The following DEXI variants were observed in gnomAD, a reference collection of about 807,000 sequenced individuals.
DEXI encodes dexamethasone-induced protein.
A neutral mutation model predicts 2.5 loss-of-function variants in DEXI; 2 were observed. The observed-to-expected ratio is 0.81, with a 90% CI of 0.33 to 2.55. The LOEUF is 2.55. DEXI is among the 30% of genes most tolerant of loss of function. The pLI, the probability that DEXI is intolerant of heterozygous loss-of-function variation, is 0.11. For synonymous variants in DEXI, 71 were observed against 68.7 expected, an observed-to-expected ratio of 1.03 and a Z score of -0.17; for missense variants, 108 against 130.3, an observed-to-expected ratio of 0.83 and a Z score of 0.83.
rs111882238 is a variant in DEXI, at chr16:10,933,207, G to C, written c.*150-3648C>G. 472 of 152,310 alleles carry C rather than the reference G, an allele frequency of 3.1e-3. 7 individuals are homozygous for C. The highest frequency in any genetic ancestry group is 0.011 in the African/African-American group (452 of 41,528). 9.4% of individuals were successfully genotyped at this position (152,310 alleles called of 1,614,324 possible). ...TCCCCAGAGCTGGACAGAGGACGTGGCTGGCTGGCTGGTTTCTGTAGTCAG... is the reference window on the plus strand; with the variant it reads ...TCCCCAGAGCTGGACAGAGGACGTGCCTGGCTGGCTGGTTTCTGTAGTCAG... On this transcript the variant is annotated intron_variant, in intron 1 of 1. Coordinates refer to ENST00000331808, the MANE Select transcript of DEXI (RefSeq NM_014015.4).
chr16:10,939,635 T>C lies in DEXI; in HGVS notation c.*149+1934A>G, dbSNP rs2041074332. On this transcript the variant is annotated intron_variant, in intron 1 of 1. Coordinates refer to ENST00000331808, the MANE Select transcript of DEXI (RefSeq NM_014015.4). The surrounding 1 kb of genome is among the most constrained non-coding windows in gnomAD (Gnocchi z 4.9). ...GCATCATCTCCTTAGAGAGGCTTTC[T>C]CTGACCCCTCAGCTAAAGCAGCCCA... The C allele has an allele frequency of 6.6e-6, 1 of 152,272 alleles. No individual in the cohort carries two copies. Among genetic ancestry groups the C allele is most frequent in the South Asian group, 2.1e-4 (1 of 4,832 alleles). 9.4% of individuals were successfully genotyped at this position (152,272 alleles called of 1,614,324 possible).
chr16:10,939,605 C>G lies in DEXI; in HGVS notation c.*149+1964G>C, dbSNP rs1185938545. ...CCTTCTATCAAATTAAGGCTCAGCT[C>G]AAAAGCATCATCTCCTTAGAGAGGC... is the stretch of plus-strand genomic sequence containing the variant. On this transcript the variant is annotated intron_variant, in intron 1 of 1. Transcript: ENST00000331808. This position sits in a 1 kb window ranked among gnomAD's most constrained non-coding sequence, Gnocchi z 4.9. 1.3e-5 allele frequency: 2 copies of G among 152,256 alleles called. No individual in the cohort carries two copies. Among genetic ancestry groups the G allele is most frequent in the African/African-American group, 4.8e-5 (2 of 41,450 alleles). 9.4% of individuals were successfully genotyped at this position (152,256 alleles called of 1,614,324 possible).
chr16:10,941,033 C>T lies in DEXI; in HGVS notation c.*149+536G>A, dbSNP rs746264383. On this transcript the variant is annotated intron_variant, in intron 1 of 1. Coordinates refer to ENST00000331808, the MANE Select transcript of DEXI (RefSeq NM_014015.4). The surrounding 1 kb of genome is among the most constrained non-coding windows in gnomAD (Gnocchi z 6.4). ...GCAAACCCAAGGCCAAAAGGAAGTA[C>T]GGGCTTCTTTGCTTGCGATTTCTCC... is the stretch of plus-strand genomic sequence containing the variant. 2 of 152,332 alleles carry T rather than the reference C, an allele frequency of 1.3e-5. No individual in the cohort carries two copies. The highest frequency in any genetic ancestry group is 2.4e-5 in the African/African-American group (1 of 41,460). The allele number at this position is 152,332 out of a possible 1,614,324, so 9.4% of individuals were successfully genotyped here.
Position 10,938,645 on chromosome 16 carries a change from C to G in DEXI, c.*149+2924G>C, listed in dbSNP as rs1567469101. ...TGCTGCTAGCTACCCCTCTCATACC[C>G]TGGGGTTCTGAGCTTCCTCGGCACT... On this transcript the variant is annotated intron_variant, in intron 1 of 1. Coordinates refer to ENST00000331808, the MANE Select transcript of DEXI (RefSeq NM_014015.4). This position sits in a 1 kb window ranked among gnomAD's most constrained non-coding sequence, Gnocchi z 4.9. The G allele has an allele frequency of 6.6e-6, 1 of 152,186 alleles. No homozygotes were observed. Among genetic ancestry groups the G allele is most frequent in the Non-Finnish European group, 1.5e-5 (1 of 68,056 alleles). The allele number at this position is 152,186 out of a possible 1,614,324, so 9.4% of individuals were successfully genotyped here.
Position 10,938,977 on chromosome 16 carries a change from C to A in DEXI, c.*149+2592G>T, listed in dbSNP as rs1480476252. On this transcript the variant is annotated intron_variant, in intron 1 of 1. Coordinates refer to ENST00000331808, the MANE Select transcript of DEXI (RefSeq NM_014015.4). The surrounding 1 kb of genome is among the most constrained non-coding windows in gnomAD (Gnocchi z 4.9). ...ATAAGACGTTCCTCACCAAGTTACACTGCTTCAAAGTCAAATGCTTGGCTT... is the reference window on the plus strand; with the variant it reads ...ATAAGACGTTCCTCACCAAGTTACAATGCTTCAAAGTCAAATGCTTGGCTT... 1 of 152,228 alleles carries A rather than the reference C, an allele frequency of 6.6e-6. No individual in the cohort carries two copies. Among genetic ancestry groups the A allele is most frequent in the Non-Finnish European group, 1.5e-5 (1 of 68,038 alleles). 9.4% of individuals were successfully genotyped at this position (152,228 alleles called of 1,614,324 possible). A position where few individuals can be genotyped will look rare whatever the true frequency, so the allele number is the denominator to read the frequency against.
At chr16:10,930,564 G>T (rs2040742074) in intron 1 of DEXI, 1 of 152,192 alleles carries the variant, frequency 6.6e-6, no homozygotes, top group Admixed American at 6.5e-5. Flanking sequence ...AGAAATTGAG[G>T]TTCAGAGAAG....
chr16:10,932,591 G>C (rs1158396140), intron 1 of DEXI: 1 of 151,296 alleles, frequency 6.6e-6, no homozygotes, highest in Non-Finnish European at 1.5e-5. Flanking sequence ...TGGAAGAACT[G>C]TCTGGGGCCA....
At position 10,940,739 on chromosome 16, in the gene DEXI, A is replaced by ATC. The variant is rs2041091186; in HGVS notation, c.*149+829_*149+830insGA. 1 of 152,284 alleles carries ATC rather than the reference A, an allele frequency of 6.6e-6. No homozygotes were observed. The highest frequency in any genetic ancestry group is 1.5e-5 in the Non-Finnish European group (1 of 68,182). 9.4% of individuals were successfully genotyped at this position (152,284 alleles called of 1,614,324 possible). A position where few individuals can be genotyped will look rare whatever the true frequency, so the allele number is the denominator to read the frequency against. Reference sequence around the variant, plus strand: ...CTTCATTTCCCTACCTCTCACATACACAGTGGGCTGGATGCTGGATGCAAA... The same window carrying ATC: ...CTTCATTTCCCTACCTCTCACATACATCCAGTGGGCTGGATGCTGGATGCAAA... On this transcript the variant is annotated intron_variant, in intron 1 of 1. Transcript: ENST00000331808. The surrounding 1 kb of genome is among the most constrained non-coding windows in gnomAD (Gnocchi z 4.2).
chr16:10,939,355 G>A lies in DEXI; in HGVS notation c.*149+2214C>T, dbSNP rs1385178052. Reference sequence around the variant, plus strand: ...AGAGTCATTTTTGCAAAATGGGAATGGGATTGTGTCATCTCCTGCCTAGAA... The same window carrying A: ...AGAGTCATTTTTGCAAAATGGGAATAGGATTGTGTCATCTCCTGCCTAGAA... On this transcript the variant is annotated intron_variant, in intron 1 of 1. Coordinates refer to ENST00000331808, the MANE Select transcript of DEXI (RefSeq NM_014015.4). This position sits in a 1 kb window ranked among gnomAD's most constrained non-coding sequence, Gnocchi z 4.9. The A allele has an allele frequency of 1.3e-5, 2 of 152,216 alleles. No individual in the cohort carries two copies. The highest frequency in any genetic ancestry group is 2.4e-5 in the African/African-American group (1 of 41,422). The allele number at this position is 152,216 out of a possible 1,614,324, so 9.4% of individuals were successfully genotyped here. A position where few individuals can be genotyped will look rare whatever the true frequency, so the allele number is the denominator to read the frequency against.
At position 10,938,669 on chromosome 16, in the gene DEXI, C is replaced by A. The variant is rs1596661127; in HGVS notation, c.*149+2900G>T. On this transcript the variant is annotated intron_variant, in intron 1 of 1. Transcript: ENST00000331808. The surrounding 1 kb of genome is among the most constrained non-coding windows in gnomAD (Gnocchi z 4.9). ...CCTGGGGTTCTGAGCTTCCTCGGCA[C>A]TTGGGGGCAAGGCCTCCTTGGCTTG... 6.6e-6 allele frequency: 1 copy of A among 152,312 alleles called. No individual in the cohort carries two copies. Among genetic ancestry groups the A allele is most frequent in the East Asian group, 1.9e-4 (1 of 5,186 alleles). The allele number at this position is 152,312 out of a possible 1,614,324, so 9.4% of individuals were successfully genotyped here.
rs1325943858 is a variant in DEXI at position 10,939,730 on chromosome 16, G to C, written c.*149+1839C>G. 1 of 152,210 alleles carries C rather than the reference G, an allele frequency of 6.6e-6. No individual in the cohort carries two copies. The highest frequency in any genetic ancestry group is 1.5e-5 in the Non-Finnish European group (1 of 68,052). 9.4% of individuals were successfully genotyped at this position (152,210 alleles called of 1,614,324 possible). ...CACCTACAGAGACCGTCTACTAGAGGCCAGGCACAGTTTTAAGTGTTGAGG... is the reference window on the plus strand; with the variant it reads ...CACCTACAGAGACCGTCTACTAGAGCCCAGGCACAGTTTTAAGTGTTGAGG... On this transcript the variant is annotated intron_variant, in intron 1 of 1. Transcript: ENST00000331808. The surrounding 1 kb of genome is among the most constrained non-coding windows in gnomAD (Gnocchi z 4.9).
In DEXI at chr16:10,941,781, G is replaced by T. The variant is rs755249811; in HGVS notation, c.225C>A (p.Asp75Glu). The change falls in exon 1 of 2, where the codon GAC becomes GAA. Residue 75 changes from aspartate (D) to glutamate (E), a missense_variant. Coordinates refer to ENST00000331808, the MANE Select transcript of DEXI (RefSeq NM_014015.4). This position sits in a 1 kb window ranked among gnomAD's most constrained non-coding sequence, Gnocchi z 6.4. The part of the protein sequence containing the change: ...QALVDLGVLS[D>E]PGSGLYDADS... ...CAGCATCGTAAAGGCCCGAGCCGGGGTCGGAGAGCACGCCGAGGTCCACGA... is the reference window on the plus strand; with the variant it reads ...CAGCATCGTAAAGGCCCGAGCCGGGTTCGGAGAGCACGCCGAGGTCCACGA... 1.2e-6 allele frequency: 2 copies of T among 1,613,620 alleles called. No homozygotes were observed. The highest frequency in any genetic ancestry group is 1.7e-6 in the Non-Finnish European group (2 of 1,179,854).
rs1444752763 is a variant in DEXI at position 10,939,880 on chromosome 16, C to T, written c.*149+1689G>A. ...CTCACCAAGTGCCAAAGGGCCAAGG[C>T]TTGGTCTGTCTTGTTCACTGTGTTC... On this transcript the variant is annotated intron_variant, in intron 1 of 1. Transcript: ENST00000331808. This position sits in a 1 kb window ranked among gnomAD's most constrained non-coding sequence, Gnocchi z 4.9. The T allele has an allele frequency of 6.6e-6, 1 of 152,304 alleles. No homozygotes were observed. Among genetic ancestry groups the T allele is most frequent in the Non-Finnish European group, 1.5e-5 (1 of 68,082 alleles). 9.4% of individuals were successfully genotyped at this position (152,304 alleles called of 1,614,324 possible). A position where few individuals can be genotyped will look rare whatever the true frequency, so the allele number is the denominator to read the frequency against.
chr16:10,934,738 C>A lies in DEXI; in HGVS notation c.*150-5179G>T, dbSNP rs1466812615. 6.6e-6 allele frequency: 1 copy of A among 152,176 alleles called. No homozygotes were observed. Among genetic ancestry groups the A allele is most frequent in the Non-Finnish European group, 1.5e-5 (1 of 68,038 alleles). 9.4% of individuals were successfully genotyped at this position (152,176 alleles called of 1,614,324 possible). On this transcript the variant is annotated intron_variant, in intron 1 of 1. Transcript: ENST00000331808. This position sits in a 1 kb window ranked among gnomAD's most constrained non-coding sequence, Gnocchi z 4.2. Reference sequence around the variant, plus strand: ...GTTATTTTTAACCACCCAGCCAAGCCCCTTGCCAGGAGGGACTCCCAGAAA... The same window carrying A: ...GTTATTTTTAACCACCCAGCCAAGCACCTTGCCAGGAGGGACTCCCAGAAA...
At chr16:10,935,025 A>T (rs1433270882) in intron 1 of DEXI, 1 of 152,284 alleles carries the variant, frequency 6.6e-6, no homozygotes, top group Admixed American at 6.5e-5. Context: ...CACGTCATTC[A>T]TTAAGCAAGC....
rs1423050779 is a variant in DEXI, at chr16:10,941,202, C to T, written c.*149+367G>A. ...TCCTTCTAGGACAAGCGAGAATCCC[C>T]CAAAAGCCAAGGTCATCATCAAGCC... On this transcript the variant is annotated intron_variant, in intron 1 of 1. Transcript: ENST00000331808. This position sits in a 1 kb window ranked among gnomAD's most constrained non-coding sequence, Gnocchi z 6.4. 6.4e-6 allele frequency: 1 copy of T among 155,312 alleles called. No homozygotes were observed. Among genetic ancestry groups the T allele is most frequent in the African/African-American group, 2.4e-5 (1 of 41,464 alleles). 9.6% of individuals were successfully genotyped at this position (155,312 alleles called of 1,614,324 possible).
In DEXI at chr16:10,929,106, G is replaced by T; in HGVS notation, c.*603C>A. On this transcript the variant is annotated 3_prime_UTR_variant, in exon 2 of 2. Transcript: ENST00000331808. The surrounding 1 kb of genome is among the most constrained non-coding windows in gnomAD (Gnocchi z 4.3). ...TGAAGGAGCGAGAATCCCACCCTCA[G>T]CCCCCCAACAGCTTCCTCAGCTTCT... The T allele has an allele frequency of 1.5e-6, 1 of 646,996 alleles. No homozygotes were observed. Among genetic ancestry groups the T allele is most frequent in the Non-Finnish European group, 1.9e-6 (1 of 520,716 alleles). The allele number at this position is 646,996 out of a possible 1,614,324, so 40.1% of individuals were successfully genotyped here.
In DEXI at chr16:10,941,316, C is replaced by G. The variant is rs2041099263; in HGVS notation, c.*149+253G>C. 1 of 177,110 alleles carries G rather than the reference C, an allele frequency of 5.6e-6. No individual in the cohort carries two copies. Among genetic ancestry groups the G allele is most frequent in the African/African-American group, 2.4e-5 (1 of 42,094 alleles). The allele number at this position is 177,110 out of a possible 1,614,324, so 11.0% of individuals were successfully genotyped here. A position where few individuals can be genotyped will look rare whatever the true frequency, so the allele number is the denominator to read the frequency against. On this transcript the variant is annotated intron_variant, in intron 1 of 1. Transcript: ENST00000331808. The surrounding 1 kb of genome is among the most constrained non-coding windows in gnomAD (Gnocchi z 6.4). ...TTCCATAAGCTTTGGGGGTAAGTCA[C>G]AGAGCTACCCCAAATGTAACTTAGT...
rs530614327 is a variant in DEXI, at chr16:10,937,008, G to A, written c.*149+4561C>T. 1 of 152,332 alleles carries A rather than the reference G, an allele frequency of 6.6e-6. No individual in the cohort carries two copies. Among genetic ancestry groups the A allele is most frequent in the East Asian group, 1.9e-4 (1 of 5,192 alleles). The allele number at this position is 152,332 out of a possible 1,614,324, so 9.4% of individuals were successfully genotyped here. On this transcript the variant is annotated intron_variant, in intron 1 of 1. Coordinates refer to ENST00000331808, the MANE Select transcript of DEXI (RefSeq NM_014015.4). The surrounding 1 kb of genome is among the most constrained non-coding windows in gnomAD (Gnocchi z 4.2). ...AACAGACACATGAGCTGTAAGTGGGGCAGACCCTGCCTGTTTCTTGGCTGA... is the reference window on the plus strand; with the variant it reads ...AACAGACACATGAGCTGTAAGTGGGACAGACCCTGCCTGTTTCTTGGCTGA...
Sources: allele counts gnomAD v4.1 joint callset, GRCh38; gene constraint gnomAD v4.1.1; non-coding constraint Gnocchi (gnomAD v3.1); transcripts MANE v1.5; gene names NCBI Gene and HGNC (gene_info 2026-07-23, HGNC 2026-07-21).